The following XKR6 variants were observed in gnomAD, a reference collection of about 807,000 sequenced individuals.
XKR6 encodes XK-related protein 6.
Under a neutral mutation model 56.7 loss-of-function variants are expected in XKR6, and 22 were observed. The observed-to-expected ratio is 0.39, with a 90% CI of 0.28 to 0.55. The LOEUF (loss-of-function observed/expected upper bound fraction) is 0.55, where lower values mean the gene tolerates loss of function less well. Among genes scored for constraint, XKR6 ranks in the 20% least tolerant of loss-of-function variants. XKR6 has a pLI of 0.66. For missense variants in XKR6, 852 were observed against 889.0 expected, an observed-to-expected ratio of 0.96 and a Z score of 0.53; for synonymous variants, 524 against 387.8, an observed-to-expected ratio of 1.35 and a Z score of -4.13.
intron 1 of XKR6, among the ~76,000 whole-genome samples, chr8:11,073,367 G>T (rs1800183446): frequency 6.6e-6 from 1 of 152,076 alleles, no homozygotes; most frequent in Non-Finnish European, 1.5e-5. Flanking sequence ...TTATTTCAGA[G>T]ATGCATCCTG....
intron 1 of XKR6, among the ~76,000 whole-genome samples, chr8:10,948,632 C>T (rs981772383): frequency 1.3e-5 from 2 of 152,168 alleles, no homozygotes; most frequent in Admixed American, 1.3e-4. Flanking sequence ...TGGTCTGTCC[C>T]GTCCTCTAGC....
At chr8:11,182,876 C>T (rs1010654088) in intron 1 of XKR6, among the ~76,000 whole-genome samples, 1 of 152,280 alleles carries the variant, frequency 6.6e-6, no homozygotes, top group East Asian at 1.9e-4. Flanking sequence ...CTCCACGTAT[C>T]CCCTCGCCCC....
chr8:10,950,804 G>A (rs1001746539), intron 1 of XKR6, among the ~76,000 whole-genome samples: 4 of 150,104 alleles, frequency 2.7e-5, no homozygotes, highest in South Asian at 2.1e-4. Context: ...AGTAAGTGTC[G>A]AACACTTTCC....
At chr8:11,062,678 C>G in intron 1 of XKR6, 1 of 450,498 alleles carries the variant, frequency 2.2e-6, no homozygotes. Context: ...TTAATGTGAT[C>G]TGGTTTTTAG....
chr8:11,134,585 T>C (rs1034965327), intron 1 of XKR6, among the ~76,000 whole-genome samples: 7 of 152,110 alleles, frequency 4.6e-5, no homozygotes, highest in African/African-American at 7.3e-5. Context: ...ACAGAAGACT[T>C]ACATTTTGTA....
intron 1 of XKR6, among the ~76,000 whole-genome samples, chr8:11,184,388 T>TACACACACACACACAC (rs6150466): frequency 6.8e-6 from 1 of 146,154 alleles, no homozygotes; most frequent in African/African-American, 2.5e-5. Context: ...TATACACACA[T>TACACACACACACACAC]ACACACACAC....
intron 1 of XKR6, among the ~76,000 whole-genome samples, chr8:11,061,015 G>A (rs561101944): frequency 1.3e-5 from 2 of 152,312 alleles, no homozygotes; most frequent in Admixed American, 1.3e-4. Flanking sequence ...TCTAAAGCCT[G>A]TATTCTGAAG....
At chr8:10,977,667 G>A (rs1039974914) in intron 1 of XKR6, among the ~76,000 whole-genome samples, 1 of 149,388 alleles carries the variant, frequency 6.7e-6, no homozygotes, top group African/African-American at 2.5e-5. Flanking sequence ...CCTCTGCCTC[G>A]AAAGGTCTAT....
chr8:10,917,894 C>T (rs1009373342), intron 2 of XKR6, among the ~76,000 whole-genome samples: 2 of 152,190 alleles, frequency 1.3e-5, no homozygotes, highest in African/African-American at 4.8e-5. Flanking sequence ...TTCTCAAATG[C>T]TTGTTTCTAG....
At position 11,075,469 on chromosome 8, in the gene XKR6, G is replaced by A. The variant is rs573659305; in HGVS notation, c.764+125107C>T. On this transcript the variant is annotated intron_variant, in intron 1 of 2. Transcript: ENST00000416569. ...TCTTCCCAGCCCAGGTTGATGACAG[G>A]AAAGACTATCATGACCCCTACCCTA... Among the ~76,000 whole-genome samples, 10 of 152,240 alleles carry A rather than the reference G, an allele frequency of 6.6e-5. No individual in the cohort carries two copies. In the East Asian group the frequency reaches 1.9e-3, roughly 29 times the overall value.
At chr8:10,990,873 A>C (rs1214547673) in intron 1 of XKR6, among the ~76,000 whole-genome samples, 3 of 138,676 alleles carry the variant, frequency 2.2e-5, no homozygotes, top group Non-Finnish European at 4.6e-5. Flanking sequence ...GTTCATCACC[A>C]TGCCCGGCCA....
intron 2 of XKR6, among the ~76,000 whole-genome samples, chr8:10,903,800 C>T (rs1330867876): frequency 6.6e-6 from 1 of 152,122 alleles, no homozygotes; most frequent in African/African-American, 2.4e-5. Flanking sequence ...GCTCTGTGAC[C>T]GCAGCCTGAG....
intron 1 of XKR6, among the ~76,000 whole-genome samples, chr8:10,961,732 G>T (rs1802067293): frequency 6.6e-6 from 1 of 152,182 alleles, no homozygotes; most frequent in Admixed American, 6.5e-5. Context: ...ACTCTGGTTT[G>T]CTCCTTTTAG....
intron 1 of XKR6, among the ~76,000 whole-genome samples, chr8:10,939,519 G>A (rs969674277): frequency 2.0e-5 from 3 of 152,228 alleles, no homozygotes; most frequent in African/African-American, 7.2e-5. Flanking sequence ...CTGCCTACTT[G>A]GGCACCTGAC....
intron 1 of XKR6, among the ~76,000 whole-genome samples, chr8:10,981,495 C>G (rs759391317): frequency 3.3e-5 from 5 of 152,200 alleles, no homozygotes; most frequent in African/African-American, 7.2e-5. Context: ...TGCCAGATCT[C>G]TCTGAATTCC....
intron 1 of XKR6, among the ~76,000 whole-genome samples, chr8:10,946,429 G>A (rs750074067): frequency 5.3e-5 from 8 of 152,044 alleles, no homozygotes; most frequent in Non-Finnish European, 1.2e-4. Flanking sequence ...CGGGTGCAGG[G>A]TGTGGCTGAA....
At chr8:11,163,695 G>T (rs760265510) in intron 1 of XKR6, among the ~76,000 whole-genome samples, 1 of 152,146 alleles carries the variant, frequency 6.6e-6, no homozygotes, top group Non-Finnish European at 1.5e-5. Flanking sequence ...CATTTCTACC[G>T]CACTGACTTT....
intron 1 of XKR6, among the ~76,000 whole-genome samples, chr8:10,985,141 T>C (rs1483730711): frequency 6.6e-6 from 1 of 152,006 alleles, no homozygotes; most frequent in Non-Finnish European, 1.5e-5. Context: ...GAGGGGGTGA[T>C]ACGGTTTTGC....
At chr8:11,108,041 T>C (rs2129178366) in intron 1 of XKR6, 1 of 328,040 alleles carries the variant, frequency 3.0e-6, no homozygotes, top group Non-Finnish European at 5.9e-6. Context: ...AGCGAGGCTG[T>C]ATTTTGTAGG....
Sources: allele counts gnomAD v4.1 joint callset (sites outside exome capture counted in the v4.1 genomes callset), GRCh38; gene constraint gnomAD v4.1.1; transcripts MANE v1.5; gene names NCBI Gene and HGNC (gene_info 2026-07-23, HGNC 2026-07-21).